Variants in AARS1 observed in about 807,000 individuals in gnomAD.
AARS1 encodes alanyl-tRNA synthetase 1.
AARS1 carries 72 observed loss-of-function variants against 108.9 expected under a neutral mutation model. The ratio of observed to expected loss-of-function variants is 0.66; its 90% CI spans 0.55 to 0.80. The LOEUF (loss-of-function observed/expected upper bound fraction) is 0.80. Ranked by LOEUF, AARS1 falls within the 30% of genes least tolerant of loss-of-function variation. The pLI is 0.00. For missense variants in AARS1, 1,193 were observed against 1,233.2 expected (o/e 0.97, Z 0.49); for synonymous variants, 489 against 465.7 (o/e 1.05, Z -0.64).
At chr16:70,262,249 G>A in intron 12 of AARS1, 97 bp downstream of exon 12, 1 of 1,446,572 alleles carries the variant, frequency 6.9e-7, no homozygotes, top group South Asian at 1.1e-5. Flanking sequence ...AGGTGTGTCA[G>A]GTCTGCTCCC....
chr16:70,275,949 A>C (rs1283613409), intron 4 of AARS1: 1 of 148,968 alleles, frequency 6.7e-6, no homozygotes, highest in Non-Finnish European at 1.5e-5. Flanking sequence ...AAAAAAAAAA[A>C]AAAAAAAAAA....
intron 1 of AARS1, among the ~76,000 whole-genome samples, chr16:70,287,726 G>C (rs1960885967): frequency 6.6e-6 from 1 of 152,050 alleles, no homozygotes; most frequent in South Asian, 2.1e-4. Context: ...CTAGGTAACA[G>C]GGTGAGACCC....
intron 1 of AARS1, among the ~76,000 whole-genome samples, chr16:70,286,540 T>A (rs939961495): frequency 2.6e-5 from 4 of 151,990 alleles, no homozygotes; most frequent in African/African-American, 4.8e-5. Context: ...TTTTTGTATT[T>A]AAAAAAAATT....
At chr16:70,264,639 C>T (rs555618439) in intron 11 of AARS1, among the ~76,000 whole-genome samples, 4 of 152,192 alleles carry the variant, frequency 2.6e-5, no homozygotes, top group East Asian at 1.9e-4. Flanking sequence ...CTGATAGTCA[C>T]TGTGGATTGT....
Position 70,253,355 on chromosome 16 carries a change from G to A in AARS1, c.2634C>T (p.Phe878=). The change falls in exon 20 of 21, where the codon TTC becomes TTT. Residue 878 remains phenylalanine (F), a synonymous_variant. Coordinates refer to ENST00000261772, the MANE Select transcript of AARS1 (RefSeq NM_001605.3). ...CAGAAGTCTGAGGGGAGTGCATCTT[G>A]AAGAGCTTCAAGGCTTCATTCAGGG... The part of the protein sequence containing the change: ...AKALNEALKL[F]KMHSPQTSAM... The A allele has an allele frequency of 6.2e-7, 1 of 1,614,138 alleles. No individual in the cohort carries two copies.
chr16:70,273,009 T>C (rs1345267521), intron 4 of AARS1, among the ~76,000 whole-genome samples: 2 of 151,956 alleles, frequency 1.3e-5, no homozygotes, highest in Non-Finnish European at 2.9e-5. Context: ...AAGAGGATTT[T>C]AAAAACCAGC....
chr16:70,252,527 C>G lies in AARS1; in HGVS notation c.*194G>C. The G allele has an allele frequency of 1.6e-6, 1 of 628,228 alleles. No individual in the cohort carries two copies. The highest frequency in any genetic ancestry group is 1.9e-5 in the South Asian group (1 of 53,430). The allele number at this position is 628,228 out of a possible 1,614,324, so 38.9% of individuals were successfully genotyped here. A position where few individuals can be genotyped will look rare whatever the true frequency, so the allele number is the denominator to read the frequency against. On this transcript the variant is annotated 3_prime_UTR_variant, in exon 21 of 21. Coordinates refer to ENST00000261772, the MANE Select transcript of AARS1 (RefSeq NM_001605.3). ...CAATGCGGGGTTAGTGGTTCTAGACCGATGGCACTGACGTGGAGGGCTCAG... is the reference window on the plus strand; with the variant it reads ...CAATGCGGGGTTAGTGGTTCTAGACGGATGGCACTGACGTGGAGGGCTCAG...
At chr16:70,268,513 A>G (rs1960319740) in intron 7 of AARS1, 134 bp from the exon 8 acceptor site, 4 of 687,810 alleles carry the variant, frequency 5.8e-6, no homozygotes, top group African/African-American at 3.6e-5. Context: ...CGCATTCCCC[A>G]AGGTCATTAA....
intron 11 of AARS1, 95 bp downstream of exon 11, chr16:70,264,863 A>G: frequency 6.7e-7 from 1 of 1,493,758 alleles, no homozygotes; most frequent in Non-Finnish European, 9.3e-7. Flanking sequence ...GGCTGTCAGC[A>G]GTCTGCTGGA....
rs1457327485 is a variant in AARS1, at chr16:70,256,251, G to C, written c.2178-415C>G. On this transcript the variant is annotated intron_variant, in intron 15 of 20. Coordinates refer to ENST00000261772, the MANE Select transcript of AARS1 (RefSeq NM_001605.3). ...TAAACAGGCTTTATTTCTCAGTTCA[G>C]AGAACCTCAAATGTTCATTAATTCA... 2.0e-5 allele frequency among the ~76,000 whole-genome samples: 3 copies of C among 152,138 alleles called. No homozygotes were observed. The East Asian group carries it at 5.8e-4, about 29-fold the overall frequency.
chr16:70,270,355 A>C lies in AARS1; in HGVS notation c.672-15T>G. 6.2e-7 allele frequency: 1 copy of C among 1,614,152 alleles called. No homozygotes were observed. Among genetic ancestry groups the C allele is most frequent in the Non-Finnish European group, 8.5e-7 (1 of 1,180,012 alleles). ...CATCAGCTTCCCTGTATGATCCAGA[A>C]GAAGAGGAGGTTGAAGCAGAGACTC... On this transcript the variant is annotated splice_polypyrimidine_tract_variant and intron_variant, in intron 5 of 20. Transcript: ENST00000261772.
intron 1 of AARS1, among the ~76,000 whole-genome samples, chr16:70,286,238 A>C (rs949175426): frequency 3.3e-5 from 5 of 152,300 alleles, no homozygotes; most frequent in Non-Finnish European, 7.3e-5. Context: ...TGATTTATTC[A>C]CTGGAGGGCT....
intron 5 of AARS1, among the ~76,000 whole-genome samples, chr16:70,270,697 C>T (rs1251993503): frequency 2.0e-5 from 3 of 151,596 alleles, no homozygotes; most frequent in Admixed American, 2.0e-4. Context: ...ATTAGCCGAG[C>T]ATGGTGGCAC....
chr16:70,255,822 G>GA lies in AARS1; in HGVS notation c.2191dup (p.Ser731PhefsTer67). On this transcript the variant is annotated frameshift_variant, in exon 16 of 21. Transcript: ENST00000261772. LOFTEE classifies it high-confidence loss of function. ...GATCACAAAAGCTCCTGCATGACTCGAGTTCCGCAGGTGCCTGAATGGCAG... is the reference window on the plus strand; with the variant it reads ...GATCACAAAAGCTCCTGCATGACTCGAAGTTCCGCAGGTGCCTGAATGGCAG... The GA allele has an allele frequency of 6.2e-7, 1 of 1,613,742 alleles. No homozygotes were observed. Among genetic ancestry groups the GA allele is most frequent in the Non-Finnish European group, 8.5e-7 (1 of 1,179,856 alleles).
chr16:70,252,325 C>A lies in AARS1; in HGVS notation c.*396G>T, dbSNP rs114213309. On this transcript the variant is annotated 3_prime_UTR_variant, in exon 21 of 21. Transcript: ENST00000261772. Reference sequence around the variant, plus strand: ...GGAGCCACAGCATTTATTCTACAGACGCCAAAGGCTGTCAAAAGAGCCAGC... The same window carrying A: ...GGAGCCACAGCATTTATTCTACAGAAGCCAAAGGCTGTCAAAAGAGCCAGC... 311 of 340,066 alleles carry A rather than the reference C, an allele frequency of 9.1e-4. 2 individuals are homozygous for A. Among genetic ancestry groups the A allele is most frequent in the African/African-American group, 5.8e-3 (276 of 47,378 alleles). 21.1% of individuals were successfully genotyped at this position (340,066 alleles called of 1,614,324 possible). A position where few individuals can be genotyped will look rare whatever the true frequency, so the allele number is the denominator to read the frequency against.
intron 5 of AARS1, among the ~76,000 whole-genome samples, chr16:70,271,540 A>C (rs1018738361): frequency 5.3e-5 from 8 of 152,056 alleles, no homozygotes; most frequent in Non-Finnish European, 2.9e-5. Flanking sequence ...AAAAAACAAA[A>C]AAAAAAAACA....
At chr16:70,271,644 T>A in intron 5 of AARS1, 137 bp downstream of exon 5, 3 of 877,468 alleles carry the variant, frequency 3.4e-6, no homozygotes, top group Non-Finnish European at 1.8e-6. Context: ...AATAGGCCCA[T>A]CCTTGTTCCA....
chr16:70,280,051 T>C (rs1460492812), intron 2 of AARS1, among the ~76,000 whole-genome samples: 3 of 152,026 alleles, frequency 2.0e-5, no homozygotes, highest in Non-Finnish European at 4.4e-5. Context: ...CAGCTAATTT[T>C]TCAATTTTTC....
intron 5 of AARS1, 26 bp from the exon 6 acceptor site, chr16:70,270,366 T>A (rs1008315991): frequency 1.2e-6 from 2 of 1,613,870 alleles, no homozygotes; most frequent in Non-Finnish European, 1.7e-6. Flanking sequence ...GAAGAGGAGG[T>A]TGAAGCAGAG....
Sources: gnomAD v4.1 joint callset for allele counts (sites outside exome capture counted in the v4.1 genomes callset) on GRCh38, gnomAD v4.1.1 for gene constraint, MANE v1.5 for transcripts, NCBI Gene and HGNC (gene_info 2026-07-23, HGNC 2026-07-21) for gene names.